NDE1: variants seen among roughly 807,000 people sequenced by gnomAD.
The protein encoded by NDE1 is nudE neurodevelopment protein 1.
In NDE1, 28 loss-of-function variants were observed where a neutral mutation model predicts 43.4. The observed-to-expected ratio is 0.65, with a 90% confidence interval of 0.48 to 0.89. The LOEUF is 0.89. Ranked by LOEUF, NDE1 falls within the 40% of genes least tolerant of loss-of-function variation. The probability of loss-of-function intolerance (pLI) is 0.00; values close to 1 mark genes in which losing one functional copy is unlikely to be tolerated. For missense variants in NDE1, 441 were observed against 434.1 expected, an observed-to-expected ratio of 1.02 and a Z score of -0.14; for synonymous variants, 184 against 172.0, an observed-to-expected ratio of 1.07 and a Z score of -0.55.
At chr16:15,680,444 T>C (rs549671024) in intron 4 of NDE1, among the ~76,000 whole-genome samples, 1 of 152,322 alleles carries the variant, frequency 6.6e-6, no homozygotes, top group South Asian at 2.1e-4. Context: ...AACATTTTAC[T>C]TAGAATTTAT....
At chr16:15,705,835 G>T (rs1262933224) in intron 8 of NDE1, among the ~76,000 whole-genome samples, 1 of 151,828 alleles carries the variant, frequency 6.6e-6, no homozygotes, top group East Asian at 1.9e-4. Context: ...CAAAAAATTA[G>T]CCGGGCGTGC....
intron 8 of NDE1, chr16:15,703,165 T>C: frequency 5.2e-6 from 1 of 192,716 alleles, no homozygotes; most frequent in African/African-American, 2.3e-5. Flanking sequence ...TTAGTGAAAG[T>C]GTTTTTAAGC....
At chr16:15,720,282 C>G in intron 8 of NDE1, 1 of 1,614,074 alleles carries the variant, frequency 6.2e-7, no homozygotes, top group Non-Finnish European at 8.5e-7. Flanking sequence ...TGCTTTCGCT[C>G]GTCTTCCAGT....
At chr16:15,662,651 A>T (rs2037108035) in intron 1 of NDE1, among the ~76,000 whole-genome samples, 1 of 152,038 alleles carries the variant, frequency 6.6e-6, no homozygotes, top group Admixed American at 6.6e-5. Context: ...ATCTTGGCTC[A>T]CCGCAACCTC....
chr16:15,674,366 C>T (rs1289025300), intron 3 of NDE1, among the ~76,000 whole-genome samples: 4 of 152,122 alleles, frequency 2.6e-5, no homozygotes, highest in Non-Finnish European at 5.9e-5. Context: ...GCCTCAGCCT[C>T]CCGAGTGGCT....
chr16:15,712,455 C>T (rs971845330), intron 8 of NDE1, among the ~76,000 whole-genome samples: 1 of 152,100 alleles, frequency 6.6e-6, no homozygotes, highest in African/African-American at 2.4e-5. Context: ...CAAGACCAGC[C>T]TGGGCAACAT....
chr16:15,678,082 ATT>A, intron 4 of NDE1, 133 bp downstream of exon 4: 1 of 1,135,966 alleles, frequency 8.8e-7, no homozygotes, highest in Non-Finnish European at 1.3e-6. Flanking sequence ...GCCCTTCTGG[ATT>A]TTAGTGCCCG....
intron 3 of NDE1, among the ~76,000 whole-genome samples, chr16:15,671,346 A>T (rs1212070707): frequency 6.6e-6 from 1 of 152,034 alleles, no homozygotes; most frequent in Non-Finnish European, 1.5e-5. Flanking sequence ...TCTACAAAAA[A>T]ATAAAAATAA....
chr16:15,645,061 A>T (rs992489350), intron 1 of NDE1, among the ~76,000 whole-genome samples: 5 of 151,688 alleles, frequency 3.3e-5, no homozygotes, highest in Admixed American at 2.0e-4. Flanking sequence ...CTAGGATTAC[A>T]GGCGCCCACC....
At chr16:15,679,741 T>G (rs576577350) in intron 4 of NDE1, among the ~76,000 whole-genome samples, 59 of 152,098 alleles carry the variant, frequency 3.9e-4, no homozygotes, top group Non-Finnish European at 6.2e-4. Flanking sequence ...GTGAGTGGTG[T>G]TTCCCACGTG....
intron 1 of NDE1, among the ~76,000 whole-genome samples, chr16:15,651,241 A>C (rs2151387839): frequency 6.6e-6 from 1 of 152,180 alleles, no homozygotes. Context: ...TAACTTTCTA[A>C]AGAAAAGGCC....
intron 1 of NDE1, among the ~76,000 whole-genome samples, chr16:15,663,988 G>A (rs546238255): frequency 6.6e-6 from 1 of 152,134 alleles, no homozygotes; most frequent in Non-Finnish European, 1.5e-5. Context: ...AGAATCATTT[G>A]AACCCAGGAG....
At chr16:15,675,347 C>T (rs986316968) in intron 3 of NDE1, among the ~76,000 whole-genome samples, 42 of 151,948 alleles carry the variant, frequency 2.8e-4, no homozygotes, top group Non-Finnish European at 5.3e-4. Context: ...TATAGACGCC[C>T]GCCACCAGGC....
At chr16:15,708,038 A>G (rs908817204) in intron 8 of NDE1, among the ~76,000 whole-genome samples, 51 of 151,142 alleles carry the variant, frequency 3.4e-4, no homozygotes, top group African/African-American at 1.2e-3. Context: ...CCCTGTGTGC[A>G]TCCTTGAGTC....
At chr16:15,686,215 G>A (rs1215390012) in intron 4 of NDE1, 3 of 265,176 alleles carry the variant, frequency 1.1e-5, no homozygotes, top group African/African-American at 2.3e-5. Context: ...GCCTCCCAAA[G>A]TGCTGGGATT....
In NDE1 at chr16:15,725,567, T is replaced by TG; in HGVS notation, c.*1317dup. ...GTCTCTGCATAAGTCCCTTTGAGGC[T>TG]GTTAGCCTACCCCTCCATCTCTTCC... On this transcript the variant is annotated 3_prime_UTR_variant, in exon 9 of 9. Transcript: ENST00000396354. 7.4e-6 allele frequency: 3 copies of TG among 407,478 alleles called. No homozygotes were observed. Among genetic ancestry groups the TG allele is most frequent in the Non-Finnish European group, 1.3e-5 (3 of 230,606 alleles). 25.2% of individuals were successfully genotyped at this position (407,478 alleles called of 1,614,324 possible).
intron 8 of NDE1, among the ~76,000 whole-genome samples, chr16:15,709,323 G>A (rs1012569158): frequency 6.6e-6 from 1 of 151,486 alleles, no homozygotes; most frequent in Non-Finnish European, 1.5e-5. Context: ...GTAGATGAAA[G>A]GATAAGCAGT....
chr16:15,646,079 T>C (rs1000115324), upstream of NDE1, among the ~76,000 whole-genome samples: 2 of 152,222 alleles, frequency 1.3e-5, no homozygotes, highest in African/African-American at 4.8e-5. Context: ...TGTTCCCAAA[T>C]AGGACTTTAA....
chr16:15,645,254 T>C (rs2036308938), upstream of NDE1, among the ~76,000 whole-genome samples: 1 of 152,184 alleles, frequency 6.6e-6, no homozygotes, highest in South Asian at 2.1e-4. Flanking sequence ...GATTCCTTTT[T>C]ACCAAGCAGA....
Sources: allele counts gnomAD v4.1 joint callset (sites outside exome capture counted in the v4.1 genomes callset), GRCh38; gene constraint gnomAD v4.1.1; transcripts MANE v1.5; gene names NCBI Gene and HGNC (gene_info 2026-07-23, HGNC 2026-07-21).